Variants in BANP observed in about 807,000 individuals in gnomAD.
BANP encodes protein BANP.
A neutral mutation model predicts 68.1 loss-of-function variants in BANP; 11 were observed. The ratio of observed to expected loss-of-function variants is 0.16; its 90% CI spans 0.10 to 0.27. The LOEUF is 0.27. Among genes scored for constraint, BANP ranks in the 10% least tolerant of loss-of-function variants. The pLI, the probability that BANP is intolerant of heterozygous loss-of-function variation, is 1.00. For synonymous variants in BANP, 329 were observed against 303.2 expected, an observed-to-expected ratio of 1.09 and a Z score of -0.88; for missense variants, 504 against 722.7, an observed-to-expected ratio of 0.70 and a Z score of 3.47.
rs2070217677 is a variant in BANP at position 88,004,034 on chromosome 16, G to C, written c.363-261G>C. The C allele has an allele frequency of 4.7e-6, 2 of 427,682 alleles. No homozygotes were observed. The highest frequency in any genetic ancestry group is 1.0e-4 in the East Asian group (2 of 19,690). The allele number at this position is 427,682 out of a possible 1,614,324, so 26.5% of individuals were successfully genotyped here. ...CAGCCCAGCTGTCCTGTGCTATCCA[G>C]TTGTGCAGACAGATCACCAACAATT... On this transcript the variant is annotated intron_variant, in intron 4 of 13. Transcript: ENST00000682872. This position sits in a 1 kb window ranked among gnomAD's most constrained non-coding sequence, Gnocchi z 7.0.
rs540817102 is a variant in BANP, at chr16:87,981,811, C to G, written c.162+684C>G. ...GTCTGCCATTTAAGTCACTTAGATT[C>G]TAAAGTTTACTAGATGGGGTTCTTG... On this transcript the variant is annotated intron_variant, in intron 3 of 13. Transcript: ENST00000682872. Among the ~76,000 whole-genome samples, 110 of 152,290 alleles carry G rather than the reference C, an allele frequency of 7.2e-4. 1 individual carries two copies. Among genetic ancestry groups the G allele is most frequent in the Non-Finnish European group, 1.6e-4 (11 of 68,022 alleles).
chr16:88,067,683 G>A (rs1276281777), intron 12 of BANP, among the ~76,000 whole-genome samples: 6 of 151,788 alleles, frequency 4.0e-5, no homozygotes, highest in East Asian at 3.9e-4. Context: ...ACCCCACGGC[G>A]CTCACCCTGC....
chr16:87,955,449 C>T (rs1182537820), intron 1 of BANP, among the ~76,000 whole-genome samples: 1 of 152,196 alleles, frequency 6.6e-6, no homozygotes, highest in Non-Finnish European at 1.5e-5. Flanking sequence ...TCATCTGCTT[C>T]CCCTGATGTT....
chr16:88,070,044 C>T (rs992420702), intron 12 of BANP, among the ~76,000 whole-genome samples: 1 of 152,154 alleles, frequency 6.6e-6, no homozygotes, highest in African/African-American at 2.4e-5. Flanking sequence ...GATCCACTTC[C>T]GCTTCATGAA....
intron 7 of BANP, among the ~76,000 whole-genome samples, chr16:88,024,512 C>T (rs185020220): frequency 9.2e-5 from 14 of 152,370 alleles, no homozygotes; most frequent in Admixed American, 7.2e-4. Flanking sequence ...CTGTTAAGTG[C>T]GGCTGCTCAG....
Position 88,076,587 on chromosome 16 carries a change from CA to C in BANP, c.1522-2del. 1 of 1,612,250 alleles carries C rather than the reference CA, an allele frequency of 6.2e-7. No individual in the cohort carries two copies. The highest frequency in any genetic ancestry group is 8.5e-7 in the Non-Finnish European group (1 of 1,179,512). On this transcript the variant is annotated splice_acceptor_variant, in intron 13 of 13. Coordinates refer to ENST00000682872, the MANE Select transcript of BANP (RefSeq NM_001386991.1). LOFTEE classifies it high-confidence loss of function. The stretch of plus-strand genomic sequence containing the variant: ...GAAAGTCCCTCCTTTCTCCCTTTTG[CA>C]GACGGCCGAAGCCCTGCAGCCCACG...
rs140742454 is a variant in BANP, at chr16:87,981,253, A to G, written c.162+126A>G. Reference sequence around the variant, plus strand: ...TCAGCTGTGGAGGCCAGAGATCCAAAATCAAGATGCAGGCAGGGTCTCGCT... The same window carrying G: ...TCAGCTGTGGAGGCCAGAGATCCAAGATCAAGATGCAGGCAGGGTCTCGCT... On this transcript the variant is annotated intron_variant, in intron 3 of 13. Transcript: ENST00000682872. The G allele has an allele frequency of 3.2e-3, 2,308 of 720,662 alleles. 9 individuals carry two copies. Among genetic ancestry groups the G allele is most frequent in the Non-Finnish European group, 4.1e-3 (1,708 of 412,082 alleles). 44.6% of individuals were successfully genotyped at this position (720,662 alleles called of 1,614,324 possible). A position where few individuals can be genotyped will look rare whatever the true frequency, so the allele number is the denominator to read the frequency against.
At position 88,004,191 on chromosome 16, in the gene BANP, C is replaced by T. The variant is rs961872486; in HGVS notation, c.363-104C>T. ...TGACTCTTAGGCCTCCCCCTCAGTGCGGGTCCCTGGGAGTGGACTGTGTTG... is the reference window on the plus strand; with the variant it reads ...TGACTCTTAGGCCTCCCCCTCAGTGTGGGTCCCTGGGAGTGGACTGTGTTG... On this transcript the variant is annotated intron_variant, in intron 4 of 13. Transcript: ENST00000682872. The surrounding 1 kb of genome is among the most constrained non-coding windows in gnomAD (Gnocchi z 7.0). The T allele has an allele frequency of 3.3e-5, 25 of 750,054 alleles. No individual in the cohort carries two copies. The highest frequency in any genetic ancestry group is 1.3e-4 in the South Asian group (9 of 67,156). The allele number at this position is 750,054 out of a possible 1,614,324, so 46.5% of individuals were successfully genotyped here.
intron 7 of BANP, among the ~76,000 whole-genome samples, chr16:88,024,501 CCT>C (rs2076605888): frequency 6.6e-6 from 1 of 152,246 alleles, no homozygotes; most frequent in South Asian, 2.1e-4. Flanking sequence ...TTTCCCGCTC[CCT>C]GTTAAGTGCG....
At chr16:87,973,022 G>T (rs1239286540) in intron 1 of BANP, among the ~76,000 whole-genome samples, 1 of 151,960 alleles carries the variant, frequency 6.6e-6, no homozygotes, top group Non-Finnish European at 1.5e-5. Context: ...GTGGCTTCCA[G>T]TGTCCCCATC....
intron 1 of BANP, among the ~76,000 whole-genome samples, chr16:87,968,441 G>A (rs370742967): frequency 1.2e-4 from 18 of 144,214 alleles, no homozygotes; most frequent in East Asian, 8.3e-4. Context: ...CTGAGATCGT[G>A]CCATTGCACT....
chr16:87,968,999 A>T lies in BANP; in HGVS notation c.-68-6049A>T, dbSNP rs538741660. ...GGCTGTTGTAGGTCTTCTGTATCTTAACCTGGAAATATTCTGTGCATATCT... is the reference window on the plus strand; with the variant it reads ...GGCTGTTGTAGGTCTTCTGTATCTTTACCTGGAAATATTCTGTGCATATCT... On this transcript the variant is annotated intron_variant, in intron 1 of 13. Coordinates refer to ENST00000682872, the MANE Select transcript of BANP (RefSeq NM_001386991.1). Among the ~76,000 whole-genome samples, 202 of 152,342 alleles carry T rather than the reference A, an allele frequency of 1.3e-3. 1 individual carries two copies. The highest frequency in any genetic ancestry group is 4.0e-4 in the Non-Finnish European group (27 of 68,034).
intron 13 of BANP, among the ~76,000 whole-genome samples, chr16:88,075,746 CTTTTTTTTT>C (rs34974822): frequency 8.3e-6 from 1 of 120,918 alleles, no homozygotes; most frequent in African/African-American, 3.2e-5. Context: ...TTTTCCTTTA[CTTTTTTTTT>C]TTTTTTTTTG....
chr16:88,007,705 C>G (rs1275472609), intron 6 of BANP, among the ~76,000 whole-genome samples: 2 of 152,182 alleles, frequency 1.3e-5, no homozygotes, highest in African/African-American at 4.8e-5. Context: ...GTCTAGTGAA[C>G]AAAGGCTTTC....
At chr16:87,997,076 G>C (rs1275703815) in intron 4 of BANP, among the ~76,000 whole-genome samples, 1 of 152,182 alleles carries the variant, frequency 6.6e-6, no homozygotes, top group Non-Finnish European at 1.5e-5. Flanking sequence ...GAAATGGAAG[G>C]CCACTTTATA....
At chr16:88,044,342 G>A (rs914971102) in intron 11 of BANP, among the ~76,000 whole-genome samples, 3 of 152,376 alleles carry the variant, frequency 2.0e-5, no homozygotes, top group African/African-American at 7.2e-5. Flanking sequence ...ACAGGCCACA[G>A]CGAGAAGGCA....
chr16:87,990,198 C>T (rs2152492790), intron 4 of BANP, among the ~76,000 whole-genome samples: 1 of 152,188 alleles, frequency 6.6e-6, no homozygotes, highest in South Asian at 2.1e-4. Context: ...TTTTTAAAGT[C>T]ATAGATGTTT....
At chr16:88,019,751 C>G (rs993335703) in intron 7 of BANP, among the ~76,000 whole-genome samples, 1 of 148,774 alleles carries the variant, frequency 6.7e-6, no homozygotes, top group South Asian at 2.1e-4. Flanking sequence ...GCCAGCTGTT[C>G]CAGCAGGAAA....
At chr16:87,976,285 G>A (rs2062105475) in intron 2 of BANP, among the ~76,000 whole-genome samples, 1 of 152,158 alleles carries the variant, frequency 6.6e-6, no homozygotes, top group Admixed American at 6.5e-5. Context: ...CAGTGCTTGA[G>A]AACAAGTTTT....
Sources: allele counts gnomAD v4.1 joint callset (sites outside exome capture counted in the v4.1 genomes callset), GRCh38; gene constraint gnomAD v4.1.1; non-coding constraint Gnocchi (gnomAD v3.1); transcripts MANE v1.5; gene names NCBI Gene and HGNC (gene_info 2026-07-23, HGNC 2026-07-21).